The following FOXP1 variants were observed in gnomAD, a reference collection of about 807,000 sequenced individuals.
FOXP1 encodes forkhead box protein P1.
FOXP1 carries 15 observed loss-of-function variants against 98.2 expected under a neutral mutation model. The ratio of observed to expected loss-of-function variants is 0.15; its 90% CI spans 0.10 to 0.24. FOXP1 has a LOEUF of 0.24. FOXP1 is among the 10% of genes least tolerant of loss of function. The probability of loss-of-function intolerance (pLI) is 1.00; values close to 1 mark genes in which losing one functional copy is unlikely to be tolerated. For synonymous variants in FOXP1, 371 were observed against 314.5 expected, an observed-to-expected ratio of 1.18 and a Z score of -1.90; for missense variants, 633 against 848.5, an observed-to-expected ratio of 0.75 and a Z score of 3.15.
At chr3:71,536,008 C>T (rs936720185) in intron 2 of FOXP1, among the ~76,000 whole-genome samples, 1 of 152,154 alleles carries the variant, frequency 6.6e-6, no homozygotes, top group Non-Finnish European at 1.5e-5. Flanking sequence ...CCCTTGGGGG[C>T]AGTCCTGAGA....
intron 18 of FOXP1, chr3:70,972,058 A>T: frequency 6.6e-7 from 1 of 1,508,896 alleles, no homozygotes. Flanking sequence ...ATTTGCGAGG[A>T]CGGCCTCGTT....
At chr3:71,516,809 G>A (rs1472651905) in intron 2 of FOXP1, among the ~76,000 whole-genome samples, 1 of 152,164 alleles carries the variant, frequency 6.6e-6, no homozygotes, top group East Asian at 1.9e-4. Context: ...TCACATCACT[G>A]CACTCTAGCC....
At chr3:71,374,012 C>T (rs2079531265) in intron 3 of FOXP1, among the ~76,000 whole-genome samples, 1 of 152,134 alleles carries the variant, frequency 6.6e-6, no homozygotes, top group Non-Finnish European at 1.5e-5. Context: ...TAGCAAAATA[C>T]CACTGCAATG....
chr3:71,236,381 C>T (rs978429132), intron 5 of FOXP1, among the ~76,000 whole-genome samples: 2 of 152,182 alleles, frequency 1.3e-5, no homozygotes, highest in Non-Finnish European at 2.9e-5. Flanking sequence ...CTGTAACATG[C>T]TTTCATTGCA....
intron 3 of FOXP1, among the ~76,000 whole-genome samples, chr3:71,408,835 T>C (rs557345506): frequency 3.8e-4 from 58 of 152,264 alleles, no homozygotes; most frequent in South Asian, 1.7e-3. Flanking sequence ...CCACTAAAAA[T>C]AAACCACTAA....
chr3:71,061,647 G>A (rs1270429711), intron 7 of FOXP1, among the ~76,000 whole-genome samples: 2 of 151,996 alleles, frequency 1.3e-5, no homozygotes, highest in Non-Finnish European at 2.9e-5. Flanking sequence ...TAACCTTCTC[G>A]ATCAACTGTT....
intron 2 of FOXP1, among the ~76,000 whole-genome samples, chr3:71,529,590 A>G (rs979535855): frequency 6.6e-6 from 1 of 152,204 alleles, no homozygotes; most frequent in African/African-American, 2.4e-5. Context: ...TCTGACTTCC[A>G]GAGAGGGGAG....
At position 71,008,603 on chromosome 3, in the gene FOXP1, A is replaced by T. The variant is rs75453610; in HGVS notation, c.974+6946T>A. On this transcript the variant is annotated intron_variant, in intron 12 of 20. Coordinates refer to ENST00000649528, the MANE Select transcript of FOXP1 (RefSeq NM_001349338.3). ...TAGATTAAAAAAAAATCAACACTAA[A>T]ACTGCAAGTTGTTTTCAGAAGAAAC... 1.1e-3 allele frequency among the ~76,000 whole-genome samples: 166 copies of T among 152,262 alleles called. 1 individual carries two copies. In the East Asian group the frequency reaches 0.026, roughly 24 times the overall value.
intron 2 of FOXP1, among the ~76,000 whole-genome samples, chr3:71,513,261 C>T (rs2042326537): frequency 6.6e-6 from 1 of 152,194 alleles, no homozygotes; most frequent in African/African-American, 2.4e-5. Flanking sequence ...TTCCCCAACA[C>T]AACTTGTCCT....
intron 13 of FOXP1, among the ~76,000 whole-genome samples, chr3:70,991,822 G>T (rs567186060): frequency 1.3e-5 from 2 of 152,186 alleles, no homozygotes; most frequent in East Asian, 3.8e-4. Context: ...GGAAGGGGCA[G>T]AAATAAGACT....
At chr3:71,565,268 G>A (rs1327195282) in intron 2 of FOXP1, among the ~76,000 whole-genome samples, 1 of 152,094 alleles carries the variant, frequency 6.6e-6, no homozygotes, top group Admixed American at 6.5e-5. Context: ...TTAACCCACG[G>A]GCAGGCCTTC....
intron 7 of FOXP1, among the ~76,000 whole-genome samples, chr3:71,104,356 A>G (rs1575707675): frequency 6.6e-6 from 1 of 152,176 alleles, no homozygotes; most frequent in African/African-American, 2.4e-5. Context: ...TGATAGCAAG[A>G]CCTCATTGTG....
chr3:71,178,762 T>C (rs2062099784), intron 6 of FOXP1, among the ~76,000 whole-genome samples: 1 of 151,878 alleles, frequency 6.6e-6, no homozygotes, highest in African/African-American at 2.4e-5. Flanking sequence ...CAGGCGCCTG[T>C]AGTCCCAGCT....
intron 2 of FOXP1, among the ~76,000 whole-genome samples, chr3:71,502,026 G>C (rs2041417569): frequency 6.6e-6 from 1 of 152,226 alleles, no homozygotes; most frequent in South Asian, 2.1e-4. Flanking sequence ...ACGCTCATCA[G>C]GAAGGCTCTT....
intron 13 of FOXP1, among the ~76,000 whole-genome samples, chr3:70,994,757 G>T (rs1001500539): frequency 6.6e-6 from 1 of 152,164 alleles, no homozygotes; most frequent in African/African-American, 2.4e-5. Context: ...ATCAACCTTG[G>T]TTTGGTTGAT....
intron 11 of FOXP1, among the ~76,000 whole-genome samples, chr3:71,021,974 A>G (rs533569313): frequency 6.6e-6 from 1 of 152,170 alleles, no homozygotes; most frequent in Non-Finnish European, 1.5e-5. Flanking sequence ...TCCAATTTAT[A>G]TATTTTTTCT....
intron 5 of FOXP1, among the ~76,000 whole-genome samples, chr3:71,221,707 C>T (rs1329573595): frequency 6.6e-6 from 1 of 152,226 alleles, no homozygotes; most frequent in Non-Finnish European, 1.5e-5. Context: ...TCTTCTATCC[C>T]TCTAGTTCCC....
At chr3:71,487,391 G>A (rs190703887) in intron 3 of FOXP1, among the ~76,000 whole-genome samples, 1 of 152,274 alleles carries the variant, frequency 6.6e-6, no homozygotes, top group African/African-American at 2.4e-5. Flanking sequence ...AATATGGACT[G>A]TTTAAAAACT....
At chr3:71,314,226 C>A (rs900188645) in intron 4 of FOXP1, among the ~76,000 whole-genome samples, 1 of 152,134 alleles carries the variant, frequency 6.6e-6, no homozygotes, top group Admixed American at 6.5e-5. Context: ...ACCATCTCTA[C>A]AAGTTCTTAA....
Sources: gnomAD v4.1 joint callset for allele counts (sites outside exome capture counted in the v4.1 genomes callset) on GRCh38, gnomAD v4.1.1 for gene constraint, MANE v1.5 for transcripts, NCBI Gene and HGNC (gene_info 2026-07-23, HGNC 2026-07-21) for gene names.